MAP4K4: variants seen among roughly 807,000 people sequenced by gnomAD.
MAP4K4 encodes mitogen-activated protein kinase kinase kinase kinase 4, also known as HPK/GCK-like kinase HGK.
In MAP4K4, 38 loss-of-function variants were observed where a neutral mutation model predicts 189.6. The ratio of observed to expected loss-of-function variants is 0.20; its 90% confidence interval spans 0.15 to 0.26. The LOEUF (loss-of-function observed/expected upper bound fraction) is 0.26. MAP4K4 is among the 10% of genes least tolerant of loss of function. The pLI, the probability that MAP4K4 is intolerant of heterozygous loss-of-function variation, is 1.00. For synonymous variants in MAP4K4, 610 were observed against 624.3 expected (o/e 0.98, Z 0.34); for missense variants, 1,054 against 1,726.9 (o/e 0.61, Z 6.91).
rs533526918 is a variant in MAP4K4 at position 101,871,367 on chromosome 2, C to A, written c.2761-127C>A. The stretch of plus-strand genomic sequence containing the variant: ...AAGTGTGAGCAGTTCAGGCTAATTT[C>A]TTTGGTTTTTCCTTGGTAATTTAGC... On this transcript the variant is annotated intron_variant, in intron 23 of 32. Transcript: ENST00000324219. 8 of 705,186 alleles carry A rather than the reference C, an allele frequency of 1.1e-5. No individual in the cohort carries two copies. In the South Asian group the frequency reaches 1.6e-4, roughly 14 times the overall value. The allele number at this position is 705,186 out of a possible 1,614,324, so 43.7% of individuals were successfully genotyped here. A position where few individuals can be genotyped will look rare whatever the true frequency, so the allele number is the denominator to read the frequency against.
intron 12 of MAP4K4, among the ~76,000 whole-genome samples, chr2:101,848,153 C>A (rs1335928668): frequency 6.6e-6 from 1 of 152,210 alleles, no homozygotes; most frequent in Admixed American, 6.5e-5. Flanking sequence ...TTTCTAGGAA[C>A]ATATCCCTGT....
At chr2:101,867,980 CTCA>C in intron 20 of MAP4K4, 46 bp from the exon 21 acceptor site, 2 of 1,607,300 alleles carry the variant, frequency 1.2e-6, no homozygotes, top group South Asian at 1.1e-5. Context: ...CTGTGCATTC[CTCA>C]TCAACGATGG....
intron 12 of MAP4K4, 116 bp from the exon 13 acceptor site, chr2:101,855,861 G>A (rs573659427): frequency 1.8e-5 from 17 of 952,334 alleles, no homozygotes; most frequent in Middle Eastern, 2.9e-4. Context: ...GTAGATATGG[G>A]GCCCATGAAC....
intron 31 of MAP4K4, among the ~76,000 whole-genome samples, 189 bp from the exon 32 acceptor site, chr2:101,888,607 C>T (rs2098521527): frequency 6.6e-6 from 1 of 152,158 alleles, no homozygotes; most frequent in Non-Finnish European, 1.5e-5. Flanking sequence ...CAAGTAACTA[C>T]TTCACAGGAT....
intron 2 of MAP4K4, among the ~76,000 whole-genome samples, chr2:101,763,569 A>T (rs1001428257): frequency 6.6e-6 from 1 of 152,226 alleles, no homozygotes; most frequent in Admixed American, 6.5e-5. Flanking sequence ...ACAAATGTGC[A>T]CAAGTCCTCC....
In MAP4K4 at chr2:101,844,019, G is replaced by A. The variant is rs1225623762; in HGVS notation, c.1023-82G>A. On this transcript the variant is annotated intron_variant, in intron 11 of 32. Coordinates refer to ENST00000324219, the Ensembl canonical transcript of MAP4K4. ...AACTCAGAGAATGAATGTAGAAATG[G>A]GATAATATGCTGGTGCTATTGACTC... 4 of 872,062 alleles carry A rather than the reference G, an allele frequency of 4.6e-6. No homozygotes were observed. The East Asian group carries it at 8.0e-5, about 17-fold the overall frequency. 54.0% of individuals were successfully genotyped at this position (872,062 alleles called of 1,614,324 possible).
At chr2:101,762,513 C>CA (rs1322160432) in intron 2 of MAP4K4, among the ~76,000 whole-genome samples, 5 of 152,318 alleles carry the variant, frequency 3.3e-5, no homozygotes, top group Middle Eastern at 6.8e-3. Flanking sequence ...TACTCCCATT[C>CA]AACCCTGAGT....
chr2:101,811,484 G>A (rs1196173624), intron 3 of MAP4K4, among the ~76,000 whole-genome samples: 3 of 151,438 alleles, frequency 2.0e-5, no homozygotes, highest in East Asian at 1.9e-4. Context: ...CTGGCTCTAC[G>A]GCTCTACCCA....
At position 101,740,300 on chromosome 2, in the gene MAP4K4, C is replaced by T. The variant is rs1221686259; in HGVS notation, c.123+41762C>T. ...TCCCAAGTAGCTGGGACTACAGGCG[C>T]CCGCCACTACGCCCGGCTAATTTTT... On this transcript the variant is annotated intron_variant, in intron 2 of 32. Transcript: ENST00000324219. Among the ~76,000 whole-genome samples, 4 of 126,526 alleles carry T rather than the reference C, an allele frequency of 3.2e-5. 1 individual carries two copies. The highest frequency in any genetic ancestry group is 9.9e-5 in the African/African-American group (2 of 20,168). The allele number at this position is 126,526 out of a possible 152,430, so 83.0% of individuals were successfully genotyped here. A position where few individuals can be genotyped will look rare whatever the true frequency, so the allele number is the denominator to read the frequency against.
At chr2:101,823,441 C>G (rs1376724112) in intron 3 of MAP4K4, among the ~76,000 whole-genome samples, 2 of 152,204 alleles carry the variant, frequency 1.3e-5, no homozygotes, top group African/African-American at 4.8e-5. Context: ...AGTACTTTGC[C>G]TTGGCTTCAC....
chr2:101,805,467 T>G (rs1411911480), intron 3 of MAP4K4, among the ~76,000 whole-genome samples: 1 of 152,248 alleles, frequency 6.6e-6, no homozygotes, highest in East Asian at 1.9e-4. Context: ...CTTTTAGTAT[T>G]CTGTGGTGTC....
intron 3 of MAP4K4, among the ~76,000 whole-genome samples, chr2:101,818,920 C>CT (rs533283584): frequency 1.3e-5 from 2 of 151,806 alleles, no homozygotes; most frequent in Non-Finnish European, 2.9e-5. Flanking sequence ...GGAGGGGGAC[C>CT]TTTTTTTCCT....
intron 32 of MAP4K4, among the ~76,000 whole-genome samples, chr2:101,890,222 C>T (rs973202887): frequency 9.2e-5 from 14 of 152,044 alleles, no homozygotes; most frequent in African/African-American, 2.9e-4. Flanking sequence ...AGGAGTCTTC[C>T]GTGATGCTCA....
At chr2:101,778,931 T>G (rs2085798776) in intron 2 of MAP4K4, among the ~76,000 whole-genome samples, 1 of 152,168 alleles carries the variant, frequency 6.6e-6, no homozygotes, top group Non-Finnish European at 1.5e-5. Flanking sequence ...ACCTCACCCC[T>G]CTTTCTAGCT....
chr2:101,745,356 C>T (rs1361013538), intron 2 of MAP4K4, among the ~76,000 whole-genome samples: 17 of 121,646 alleles, frequency 1.4e-4, no homozygotes, highest in Admixed American at 3.5e-4. Context: ...CTGCTGTCCT[C>T]CCTCCTCCCA....
intron 2 of MAP4K4, among the ~76,000 whole-genome samples, chr2:101,746,927 G>A (rs1367594915): frequency 1.3e-5 from 2 of 151,964 alleles, no homozygotes; most frequent in African/African-American, 4.8e-5. Flanking sequence ...TTACTGGTAG[G>A]GTTCTTAATA....
At chr2:101,880,665 T>C (rs1332829827) in intron 27 of MAP4K4, among the ~76,000 whole-genome samples, 1 of 152,126 alleles carries the variant, frequency 6.6e-6, no homozygotes, top group African/African-American at 2.4e-5. Context: ...TGTGCCACCA[T>C]GCCTGGCTGA....
intron 2 of MAP4K4, among the ~76,000 whole-genome samples, chr2:101,738,767 T>C (rs139340981): frequency 9.9e-5 from 15 of 152,142 alleles, no homozygotes; most frequent in Non-Finnish European, 1.3e-4. Flanking sequence ...CTTGTGCTTA[T>C]GCAGTTTAAG....
chr2:101,716,600 TG>T (rs2048542378), intron 2 of MAP4K4, among the ~76,000 whole-genome samples: 1 of 152,214 alleles, frequency 6.6e-6, no homozygotes, highest in Non-Finnish European at 1.5e-5. Flanking sequence ...AGTTAGCCTT[TG>T]CTGGGTAGCA....
Sources: gnomAD v4.1 joint callset for allele counts (sites outside exome capture counted in the v4.1 genomes callset) on GRCh38, gnomAD v4.1.1 for gene constraint, MANE v1.5 for transcripts, NCBI Gene and HGNC (gene_info 2026-07-23, HGNC 2026-07-21) for gene names.